ARID1B: variants seen among roughly 807,000 people sequenced by gnomAD.
ARID1B encodes the protein AT-rich interaction domain 1B, also known as AT-rich interactive domain-containing protein 1B.
Under a neutral mutation model 212.3 loss-of-function variants are expected in ARID1B, and 30 were observed. The observed-to-expected ratio is 0.14, with a 90% CI of 0.11 to 0.19. ARID1B has a LOEUF of 0.19. Among genes scored for constraint, ARID1B ranks in the 10% least tolerant of loss-of-function variants. ARID1B has a pLI of 1.00. For missense variants in ARID1B, 2,891 were observed against 3,204.0 expected, an observed-to-expected ratio of 0.90 and a Z score of 2.36; for synonymous variants, 1,402 against 1,301.7, an observed-to-expected ratio of 1.08 and a Z score of -1.66.
Position 157,206,742 on chromosome 6 carries a change from G to A in ARID1B, c.5970G>A (p.Glu1990=), listed in dbSNP as rs2128394049. The A allele has an allele frequency of 6.2e-7, 1 of 1,613,166 alleles. No individual in the cohort carries two copies. ...AAGAAGGCAAAGGCGACTCTGAAGA[G>A]CAGCAAGAGAAAAGCATCATAGCAA... ...KEQEGKGDSE[E]QQEKSIIATI... The change falls in exon 20 of 20, where the codon GAG becomes GAA. Residue 1990 remains glutamate, a synonymous_variant. Coordinates refer to ENST00000636930, the MANE Select transcript of ARID1B (RefSeq NM_001374828.1). The surrounding 1 kb of genome is among the most constrained non-coding windows in gnomAD (Gnocchi z 6.8).
At chr6:156,959,476 C>T (rs189061769) in intron 4 of ARID1B, among the ~76,000 whole-genome samples, 150 of 152,214 alleles carry the variant, frequency 9.9e-4, no homozygotes, top group South Asian at 5.8e-3. Context: ...GACACAGAAC[C>T]CATGGGTAGG....
intron 4 of ARID1B, among the ~76,000 whole-genome samples, chr6:157,043,405 A>C (rs539692212): frequency 6.6e-6 from 1 of 151,552 alleles, no homozygotes; most frequent in African/African-American, 2.4e-5. Flanking sequence ...TGCCTTTAGG[A>C]CTCATTTGGA....
At chr6:156,788,394 T>C (rs1779789569) in intron 1 of ARID1B, among the ~76,000 whole-genome samples, 1 of 152,218 alleles carries the variant, frequency 6.6e-6, no homozygotes, top group Non-Finnish European at 1.5e-5. Flanking sequence ...GCTGATGCCA[T>C]TGGCCCCAAG....
At chr6:156,835,931 C>G (rs75181838) in intron 2 of ARID1B, among the ~76,000 whole-genome samples, 41 of 151,618 alleles carry the variant, frequency 2.7e-4, no homozygotes, top group Middle Eastern at 3.4e-3. Context: ...TTTGTAGAGA[C>G]GTCTCACCAT....
At chr6:156,857,376 G>A (rs188179839) in intron 2 of ARID1B, among the ~76,000 whole-genome samples, 2 of 152,324 alleles carry the variant, frequency 1.3e-5, no homozygotes, top group Admixed American at 1.3e-4. Context: ...GAGGTGCCAG[G>A]CATACCCACT....
chr6:157,109,161 C>T (rs1333115309), intron 5 of ARID1B, among the ~76,000 whole-genome samples: 1 of 152,138 alleles, frequency 6.6e-6, no homozygotes, highest in African/African-American at 2.4e-5. Context: ...ACATGGGTAA[C>T]AGACCCATCT....
At position 157,157,743 on chromosome 6, in the gene ARID1B, C is replaced by G. The variant is rs1421360864; in HGVS notation, c.3089+8792C>G. On this transcript the variant is annotated intron_variant, in intron 8 of 19. Coordinates refer to ENST00000636930, the MANE Select transcript of ARID1B (RefSeq NM_001374828.1). Reference sequence around the variant, plus strand: ...ATATAGATTTAAAAAACCAAACAGGCCGGGCACAGTGGCTCACGCCCGTAA... The same window carrying G: ...ATATAGATTTAAAAAACCAAACAGGGCGGGCACAGTGGCTCACGCCCGTAA... Among the ~76,000 whole-genome samples, 5 of 152,336 alleles carry G rather than the reference C, an allele frequency of 3.3e-5. No homozygotes were observed. In the East Asian group the frequency reaches 9.6e-4, roughly 29 times the overall value.
At chr6:156,795,402 G>T (rs937013632) in intron 1 of ARID1B, among the ~76,000 whole-genome samples, 2 of 152,176 alleles carry the variant, frequency 1.3e-5, no homozygotes, top group Non-Finnish European at 1.5e-5. Context: ...GATAATTTTA[G>T]AGTAAGAAAC....
At chr6:157,158,102 A>T (rs1326132023) in intron 8 of ARID1B, among the ~76,000 whole-genome samples, 2 of 152,228 alleles carry the variant, frequency 1.3e-5, no homozygotes, top group Non-Finnish European at 2.9e-5. Flanking sequence ...AAGTGAACTC[A>T]TACTGGATTA....
Position 157,133,315 on chromosome 6 carries a change from TCTGTTA to T in ARID1B, c.2761+110_2761+115del, listed in dbSNP as rs1335863433. On this transcript the variant is annotated intron_variant, in intron 7 of 19. Coordinates refer to ENST00000636930, the MANE Select transcript of ARID1B (RefSeq NM_001374828.1). ...TGTAAACATATCGTAAGATCCATTATCTGTTACCTGACAGGTTTGTGAGGTTCATAC... is the reference window on the plus strand; with the variant it reads ...TGTAAACATATCGTAAGATCCATTATCCTGACAGGTTTGTGAGGTTCATAC... 5 of 1,261,066 alleles carry T rather than the reference TCTGTTA, an allele frequency of 4.0e-6. No individual in the cohort carries two copies. In the African/African-American group the frequency reaches 6.1e-5, roughly 15 times the overall value. 78.1% of individuals were successfully genotyped at this position (1,261,066 alleles called of 1,614,324 possible).
intron 19 of ARID1B, chr6:157,205,327 A>G (rs1317399046): frequency 2.6e-5 from 4 of 152,256 alleles, no homozygotes; most frequent in Non-Finnish European, 5.9e-5. Flanking sequence ...AATCCTTGTT[A>G]GAATCCTTGT....
intron 5 of ARID1B, among the ~76,000 whole-genome samples, chr6:157,107,346 C>T (rs1171837076): frequency 3.3e-5 from 5 of 151,640 alleles, no homozygotes; most frequent in Admixed American, 2.0e-4. Flanking sequence ...CTTCTCTTCT[C>T]GGTAATTGTA....
At chr6:157,018,801 G>A (rs1412932975) in intron 4 of ARID1B, among the ~76,000 whole-genome samples, 1 of 152,122 alleles carries the variant, frequency 6.6e-6, no homozygotes, top group Non-Finnish European at 1.5e-5. Context: ...GAGGTTAAAA[G>A]GAAAATAGAC....
In ARID1B at chr6:157,039,777, C is replaced by T. The variant is rs891108092; in HGVS notation, c.2248-44885C>T. On this transcript the variant is annotated intron_variant, in intron 4 of 19. Coordinates refer to ENST00000636930, the MANE Select transcript of ARID1B (RefSeq NM_001374828.1). ...CCTTCCTACCTTCCTACCTACCTACCTTCCTTCCTTCCTTCCTTCTTTCTT... is the reference window on the plus strand; with the variant it reads ...CCTTCCTACCTTCCTACCTACCTACTTTCCTTCCTTCCTTCCTTCTTTCTT... 6.0e-5 allele frequency among the ~76,000 whole-genome samples: 8 copies of T among 133,390 alleles called. 1 individual carries two copies. Among genetic ancestry groups the T allele is most frequent in the South Asian group, 4.9e-4 (2 of 4,080 alleles). 87.5% of individuals were successfully genotyped at this position (133,390 alleles called of 152,430 possible). A position where few individuals can be genotyped will look rare whatever the true frequency, so the allele number is the denominator to read the frequency against.
At chr6:156,868,526 C>T (rs760109456) in intron 2 of ARID1B, among the ~76,000 whole-genome samples, 1 of 152,174 alleles carries the variant, frequency 6.6e-6, no homozygotes, top group African/African-American at 2.4e-5. Context: ...GAGTGTCTGG[C>T]GAGGGCCTGT....
intron 5 of ARID1B, among the ~76,000 whole-genome samples, chr6:157,109,268 T>G (rs947042842): frequency 6.6e-6 from 1 of 152,122 alleles, no homozygotes; most frequent in Non-Finnish European, 1.5e-5. Flanking sequence ...TTGGTGATGA[T>G]CTTTAGGACA....
intron 4 of ARID1B, among the ~76,000 whole-genome samples, chr6:157,020,549 T>C (rs1780168689): frequency 1.3e-5 from 2 of 152,246 alleles, no homozygotes; most frequent in African/African-American, 4.8e-5. Context: ...TTTTTCTTTC[T>C]GATGCTGTTG....
chr6:157,139,410 C>A (rs1322463098), intron 7 of ARID1B, among the ~76,000 whole-genome samples: 1 of 152,210 alleles, frequency 6.6e-6, no homozygotes, highest in Non-Finnish European at 1.5e-5. Flanking sequence ...CCTGTTGACA[C>A]ATTTCACAAA....
intron 4 of ARID1B, among the ~76,000 whole-genome samples, chr6:157,025,269 T>A (rs1780586715): frequency 6.6e-6 from 1 of 152,182 alleles, no homozygotes; most frequent in Admixed American, 6.5e-5. Context: ...CTAAAGGAAT[T>A]TTAAGATGAG....
Sources: allele counts gnomAD v4.1 joint callset (sites outside exome capture counted in the v4.1 genomes callset), GRCh38; gene constraint gnomAD v4.1.1; non-coding constraint Gnocchi (gnomAD v3.1); transcripts MANE v1.5; gene names NCBI Gene and HGNC (gene_info 2026-07-23, HGNC 2026-07-21).